The following GPC6 variants were observed in gnomAD, a reference collection of about 807,000 sequenced individuals.
The protein encoded by GPC6 is glypican 6, also known as glypican-6.
A neutral mutation model predicts 55.2 loss-of-function variants in GPC6; 14 were observed. The observed-to-expected ratio is 0.25, with a 90% CI of 0.17 to 0.40. The LOEUF (loss-of-function observed/expected upper bound fraction) is 0.40, where lower values mean the gene tolerates loss of function less well. GPC6 is among the 10% of genes least tolerant of loss of function. The pLI, the probability that GPC6 is intolerant of heterozygous loss-of-function variation, is 1.00. For synonymous variants in GPC6, 278 were observed against 259.6 expected, an observed-to-expected ratio of 1.07 and a Z score of -0.68; for missense variants, 641 against 708.5, an observed-to-expected ratio of 0.90 and a Z score of 1.08.
intron 1 of GPC6, among the ~76,000 whole-genome samples, chr13:93,495,142 G>C (rs199744311): frequency 4.1e-5 from 4 of 96,388 alleles, no homozygotes; most frequent in Admixed American, 1.1e-4. Context: ...TCCATTCTCC[G>C]CATCACTTTC....
chr13:93,259,491 T>C (rs1877064742), intron 1 of GPC6, among the ~76,000 whole-genome samples: 2 of 152,254 alleles, frequency 1.3e-5, no homozygotes, highest in Admixed American at 1.3e-4. Context: ...AATAATGTTT[T>C]TGTGCTTTAT....
At chr13:94,072,614 A>G (rs956743942) in intron 4 of GPC6, among the ~76,000 whole-genome samples, 1 of 152,194 alleles carries the variant, frequency 6.6e-6, no homozygotes, top group African/African-American at 2.4e-5. Flanking sequence ...GGCCTCCCAA[A>G]GTGCTGGGAT....
intron 1 of GPC6, among the ~76,000 whole-genome samples, chr13:93,381,175 A>C (rs1158203303): frequency 6.6e-6 from 1 of 152,164 alleles, no homozygotes; most frequent in Non-Finnish European, 1.5e-5. Flanking sequence ...TAAAAATGAA[A>C]TATATAGACA....
In GPC6 at chr13:93,858,883, T is replaced by C. The variant is rs934280428; in HGVS notation, c.711+28338T>C. On this transcript the variant is annotated intron_variant, in intron 3 of 8. Coordinates refer to ENST00000377047, the MANE Select transcript of GPC6 (RefSeq NM_005708.5). The stretch of plus-strand genomic sequence containing the variant: ...TTGTTATAAAAAGGGAAGGGAGACA[T>C]TGAAGCTAACTTCAAAGTAGAATAA... Among the ~76,000 whole-genome samples the C allele has an allele frequency of 7.3e-5, 11 of 151,532 alleles. 1 individual carries two copies. The highest frequency in any genetic ancestry group is 2.7e-4 in the African/African-American group (11 of 41,338).
chr13:93,671,585 T>A (rs1454785626), intron 2 of GPC6, among the ~76,000 whole-genome samples: 3 of 151,366 alleles, frequency 2.0e-5, no homozygotes, highest in African/African-American at 7.3e-5. Context: ...CTGTTTGTTT[T>A]CTCTGGGTTT....
intron 4 of GPC6, among the ~76,000 whole-genome samples, chr13:94,176,697 T>C (rs1217188581): frequency 1.3e-5 from 2 of 152,170 alleles, no homozygotes; most frequent in African/African-American, 4.8e-5. Flanking sequence ...TATTAAGTTA[T>C]TGCAACATAA....
At chr13:93,690,698 C>G (rs1882228720) in intron 2 of GPC6, among the ~76,000 whole-genome samples, 1 of 151,980 alleles carries the variant, frequency 6.6e-6, no homozygotes, top group Non-Finnish European at 1.5e-5. Flanking sequence ...TATGTTAAAC[C>G]TATAAACTTC....
chr13:93,838,799 C>T (rs1017462843), intron 3 of GPC6, among the ~76,000 whole-genome samples: 2 of 151,980 alleles, frequency 1.3e-5, no homozygotes, highest in Non-Finnish European at 1.5e-5. Flanking sequence ...TCAACAGCCA[C>T]GATGCATAGT....
intron 1 of GPC6, among the ~76,000 whole-genome samples, chr13:93,340,125 G>A (rs1437113783): frequency 8.3e-5 from 11 of 133,100 alleles, no homozygotes; most frequent in East Asian, 2.3e-4. Context: ...AAGCTCCGCT[G>A]CCAGGTTCAT....
Position 93,968,861 on chromosome 13 carries a change from A to G in GPC6, c.712-58868A>G, listed in dbSNP as rs891739535. On this transcript the variant is annotated intron_variant, in intron 3 of 8. Transcript: ENST00000377047. ...TTTAATGTATGCTGTACTGTCAAGG[A>G]TCAATATAGAATTATTTGGAATGAC... 3.9e-5 allele frequency among the ~76,000 whole-genome samples: 6 copies of G among 152,174 alleles called. 1 individual carries two copies.
chr13:94,030,283 G>A lies in GPC6; in HGVS notation c.877+2389G>A, dbSNP rs149392292. On this transcript the variant is annotated intron_variant, in intron 4 of 8. Transcript: ENST00000377047. Reference sequence around the variant, plus strand: ...CTCGGCCTCCCAAAGTGCTGGGATTGCAGGTGTGAGCCACCGTGCCCGTCC... The same window carrying A: ...CTCGGCCTCCCAAAGTGCTGGGATTACAGGTGTGAGCCACCGTGCCCGTCC... Among the ~76,000 whole-genome samples, 1,309 of 152,094 alleles carry A rather than the reference G, an allele frequency of 8.6e-3. 40 individuals are homozygous for A. Among genetic ancestry groups the A allele is most frequent in the South Asian group, 0.068 (326 of 4,808 alleles).
At chr13:94,373,422 A>G (rs1340569621) in intron 6 of GPC6, among the ~76,000 whole-genome samples, 1 of 152,208 alleles carries the variant, frequency 6.6e-6, no homozygotes, top group African/African-American at 2.4e-5. Context: ...AAAATGCAGA[A>G]GCCTCAGGAG....
upstream of GPC6, among the ~76,000 whole-genome samples, chr13:93,221,993 A>C (rs1318163370): frequency 6.9e-6 from 1 of 145,292 alleles, no homozygotes; most frequent in African/African-American, 2.5e-5. Flanking sequence ...AGGATGATAA[A>C]TTCTGCTGTA....
At chr13:94,284,185 C>G (rs1892466088) in intron 4 of GPC6, among the ~76,000 whole-genome samples, 2 of 152,168 alleles carry the variant, frequency 1.3e-5, no homozygotes. Context: ...CTCTGTCCGC[C>G]TGGGGCCTGG....
chr13:93,493,587 C>G (rs1378140537), intron 1 of GPC6, among the ~76,000 whole-genome samples: 1 of 135,686 alleles, frequency 7.4e-6, no homozygotes, highest in Non-Finnish European at 1.6e-5. Flanking sequence ...TTTGCTCTTG[C>G]TCTTCTAGTT....
intron 1 of GPC6, among the ~76,000 whole-genome samples, chr13:93,383,747 A>G (rs1875281656): frequency 6.6e-6 from 1 of 150,662 alleles, no homozygotes; most frequent in African/African-American, 2.4e-5. Flanking sequence ...TTTTTTTTTA[A>G]TAGGGAGACT....
intron 4 of GPC6, among the ~76,000 whole-genome samples, chr13:94,099,716 C>A (rs1412447338): frequency 6.6e-6 from 1 of 152,046 alleles, no homozygotes; most frequent in Non-Finnish European, 1.5e-5. Context: ...CACTGAGGAT[C>A]TTGGGACCGG....
chr13:94,395,686 A>G (rs1880863937), intron 7 of GPC6, among the ~76,000 whole-genome samples: 1 of 152,254 alleles, frequency 6.6e-6, no homozygotes, highest in Non-Finnish European at 1.5e-5. Context: ...AAGCATATGG[A>G]TATTATGCAA....
At chr13:93,635,832 GGTGGATGAGCTCCAGGGCTAA>G (rs1879668181) in intron 2 of GPC6, among the ~76,000 whole-genome samples, 1 of 152,084 alleles carries the variant, frequency 6.6e-6, no homozygotes, top group African/African-American at 2.4e-5. Context: ...ACCACTTTTT[GGTGGATGAGCTCCAGGGCTAA>G]CAGAGCCTGC....
Sources: gnomAD v4.1 joint callset for allele counts (sites outside exome capture counted in the v4.1 genomes callset) on GRCh38, gnomAD v4.1.1 for gene constraint, MANE v1.5 for transcripts, NCBI Gene and HGNC (gene_info 2026-07-23, HGNC 2026-07-21) for gene names.